The following SPOCK1 variants were observed in gnomAD, a reference collection of about 807,000 sequenced individuals.
SPOCK1 encodes SPARC (osteonectin), cwcv and kazal like domains proteoglycan 1, also known as testican-1.
Under a neutral mutation model 55.3 loss-of-function variants are expected in SPOCK1, and 23 were observed. The ratio of observed to expected loss-of-function variants is 0.42; its 90% CI spans 0.30 to 0.59. The LOEUF (loss-of-function observed/expected upper bound fraction) is 0.59, where lower values mean the gene tolerates loss of function less well. Ranked by LOEUF, SPOCK1 falls within the 20% of genes least tolerant of loss-of-function variation. SPOCK1 has a pLI of 0.22. For missense variants in SPOCK1, 499 were observed against 552.5 expected, an observed-to-expected ratio of 0.90 and a Z score of 0.97; for synonymous variants, 226 against 221.0, an observed-to-expected ratio of 1.02 and a Z score of -0.20.
At chr5:137,067,597 G>A in intron 6 of SPOCK1, 118 bp downstream of exon 6, 1 of 811,998 alleles carries the variant, frequency 1.2e-6, no homozygotes, top group South Asian at 1.7e-5. Flanking sequence ...GTACTTACCT[G>A]TCATGTCTGC....
chr5:136,999,803 T>C (rs1751114384), intron 6 of SPOCK1, among the ~76,000 whole-genome samples: 1 of 152,146 alleles, frequency 6.6e-6, no homozygotes, highest in Non-Finnish European at 1.5e-5. Context: ...AAATCCTAAC[T>C]GAAGCCACAT....
intron 2 of SPOCK1, among the ~76,000 whole-genome samples, chr5:137,421,691 C>T (rs2149825866): frequency 6.6e-6 from 1 of 152,266 alleles, no homozygotes; most frequent in South Asian, 2.1e-4. Flanking sequence ...CTATGTGTGT[C>T]TCTGCATATG....
chr5:137,090,117 G>T (rs1362425408), intron 5 of SPOCK1, among the ~76,000 whole-genome samples: 1 of 152,210 alleles, frequency 6.6e-6, no homozygotes, highest in Non-Finnish European at 1.5e-5. Flanking sequence ...AGAAATGGAA[G>T]CAATACTTTC....
At chr5:137,163,751 T>A (rs909781414) in intron 3 of SPOCK1, among the ~76,000 whole-genome samples, 1 of 152,160 alleles carries the variant, frequency 6.6e-6, no homozygotes, top group African/African-American at 2.4e-5. Context: ...CGCAAAGATT[T>A]TCTAAGCTTT....
intron 2 of SPOCK1, among the ~76,000 whole-genome samples, chr5:137,483,857 A>C (rs1372412137): frequency 2.0e-5 from 3 of 152,212 alleles, no homozygotes; most frequent in African/African-American, 7.2e-5. Context: ...GAGCTGACAC[A>C]GACCAAGAGA....
At chr5:137,124,543 G>A (rs1318434581) in intron 4 of SPOCK1, among the ~76,000 whole-genome samples, 1 of 152,182 alleles carries the variant, frequency 6.6e-6, no homozygotes, top group Non-Finnish European at 1.5e-5. Context: ...CAGTCCTTAA[G>A]GATAAACCTA....
intron 6 of SPOCK1, among the ~76,000 whole-genome samples, chr5:137,005,858 C>T (rs1192559333): frequency 6.6e-6 from 1 of 152,138 alleles, no homozygotes; most frequent in Non-Finnish European, 1.5e-5. Flanking sequence ...ATTCATTAAA[C>T]CACTCCAGAA....
At chr5:137,234,921 T>C (rs1756146669) in intron 3 of SPOCK1, among the ~76,000 whole-genome samples, 1 of 152,254 alleles carries the variant, frequency 6.6e-6, no homozygotes, top group South Asian at 2.1e-4. Flanking sequence ...ATGAACATCT[T>C]ACAACACTGA....
chr5:137,068,523 T>TTTTAGTCA (rs1288803264), intron 5 of SPOCK1, among the ~76,000 whole-genome samples: 9 of 152,212 alleles, frequency 5.9e-5, no homozygotes, highest in Non-Finnish European at 4.4e-5. Context: ...AATGGTAATA[T>TTTTAGTCA]TTTAGTCATT....
intron 6 of SPOCK1, among the ~76,000 whole-genome samples, chr5:137,062,490 G>A (rs1429615506): frequency 6.6e-6 from 1 of 150,636 alleles, no homozygotes; most frequent in African/African-American, 2.4e-5. Context: ...ACTTTTGAGA[G>A]ACCTCTATTT....
At chr5:137,184,287 C>T (rs1455722855) in intron 3 of SPOCK1, among the ~76,000 whole-genome samples, 1 of 152,090 alleles carries the variant, frequency 6.6e-6, no homozygotes, top group African/African-American at 2.4e-5. Flanking sequence ...TCAGAGGAAA[C>T]CAATGAGGCA....
At chr5:137,316,310 A>G (rs914746128) in intron 2 of SPOCK1, among the ~76,000 whole-genome samples, 1 of 152,232 alleles carries the variant, frequency 6.6e-6, no homozygotes, top group Admixed American at 6.5e-5. Context: ...CAACACCTGA[A>G]TTTGGGAAGT....
chr5:137,459,424 TACAA>T (rs926133944), intron 2 of SPOCK1, among the ~76,000 whole-genome samples: 5 of 148,030 alleles, frequency 3.4e-5, no homozygotes, highest in African/African-American at 1.3e-4. Flanking sequence ...CCTTGCCTTC[TACAA>T]ACAGAGAGAG....
intron 5 of SPOCK1, among the ~76,000 whole-genome samples, chr5:137,070,689 C>G (rs1752595173): frequency 1.3e-5 from 2 of 152,324 alleles, no homozygotes. Flanking sequence ...ATTGAGTACT[C>G]TGCCCCTCAG....
intron 2 of SPOCK1, among the ~76,000 whole-genome samples, chr5:137,339,304 G>A (rs74426250): frequency 2.8e-3 from 430 of 152,364 alleles, no homozygotes; most frequent in Admixed American, 5.6e-3. Flanking sequence ...CTAATGCACT[G>A]CATTTTCCTG....
At chr5:137,416,236 A>C (rs756747151) in intron 2 of SPOCK1, among the ~76,000 whole-genome samples, 6 of 152,098 alleles carry the variant, frequency 3.9e-5, no homozygotes, top group Non-Finnish European at 8.8e-5. Flanking sequence ...GTTGCAATAA[A>C]GACTTTTTCA....
At chr5:137,296,963 G>A (rs1333990863) in intron 2 of SPOCK1, among the ~76,000 whole-genome samples, 2 of 152,138 alleles carry the variant, frequency 1.3e-5, no homozygotes, top group Admixed American at 1.3e-4. Context: ...TTTAGCTGGA[G>A]TGCACCTCAA....
chr5:137,068,690 T>C (rs930809413), intron 5 of SPOCK1, among the ~76,000 whole-genome samples: 8 of 152,204 alleles, frequency 5.3e-5, no homozygotes, highest in African/African-American at 1.9e-4. Context: ...GTTAAGTAAC[T>C]TGCAAAAGAT....
At chr5:137,188,046 T>C (rs542470113) in intron 3 of SPOCK1, among the ~76,000 whole-genome samples, 1 of 152,296 alleles carries the variant, frequency 6.6e-6, no homozygotes, top group East Asian at 1.9e-4. Flanking sequence ...AGCAGCAGTG[T>C]AGAGAAGAGG....
Sources: allele counts gnomAD v4.1 joint callset (sites outside exome capture counted in the v4.1 genomes callset), GRCh38; gene constraint gnomAD v4.1.1; transcripts MANE v1.5; gene names NCBI Gene and HGNC (gene_info 2026-07-23, HGNC 2026-07-21).